Variants in MDH2 observed in about 807,000 individuals in gnomAD.
The protein encoded by MDH2 is malate dehydrogenase, mitochondrial.
Under a neutral mutation model 33.6 loss-of-function variants are expected in MDH2, and 25 were observed. That is an observed-to-expected ratio of 0.74 (90% CI 0.54 to 1.04). The LOEUF (loss-of-function observed/expected upper bound fraction) is 1.04. Ranked by LOEUF, MDH2 falls within the 50% of genes least tolerant of loss-of-function variation. The probability of loss-of-function intolerance (pLI) is 0.00; values close to 1 mark genes in which losing one functional copy is unlikely to be tolerated. For synonymous variants in MDH2, 193 were observed against 188.7 expected, an observed-to-expected ratio of 1.02 and a Z score of -0.19; for missense variants, 432 against 445.0, an observed-to-expected ratio of 0.97 and a Z score of 0.26.
intron 5 of MDH2, 74 bp downstream of exon 5, chr7:76,060,572 G>T: frequency 6.3e-7 from 1 of 1,580,734 alleles, no homozygotes; most frequent in Non-Finnish European, 8.6e-7. Context: ...TTACGGGCGT[G>T]GAAGACATGA....
Position 76,066,754 on chromosome 7 carries a change from T to C in MDH2, c.*344T>C, listed in dbSNP as rs1424727589. The C allele has an allele frequency of 5.7e-6, 1 of 176,274 alleles. No homozygotes were observed. Among genetic ancestry groups the C allele is most frequent in the African/African-American group, 2.4e-5 (1 of 42,070 alleles). The allele number at this position is 176,274 out of a possible 1,614,324, so 10.9% of individuals were successfully genotyped here. On this transcript the variant is annotated 3_prime_UTR_variant, in exon 9 of 9. Transcript: ENST00000315758. ...GCTTCAAGAAAGTCTAAATTGTTAA[T>C]TTATGGAATTGGACACAGTATTCAG...
At chr7:76,059,248 T>G (rs1490915350) in intron 4 of MDH2, among the ~76,000 whole-genome samples, 2 of 152,192 alleles carry the variant, frequency 1.3e-5, no homozygotes, top group African/African-American at 4.8e-5. Flanking sequence ...CCAGCCAGTT[T>G]AAAACCCATG....
intron 1 of MDH2, 180 bp downstream of exon 1, chr7:76,048,406 G>A: frequency 2.6e-6 from 3 of 1,149,896 alleles, no homozygotes; most frequent in South Asian, 1.7e-5. Context: ...GTGCGGGGGA[G>A]AAAGCCGGGG....
rs1554587605 is a variant in MDH2 at position 76,064,861 on chromosome 7, G to A, written c.793G>A (p.Ala265Thr). ...CCGCTTTGTCTTCTCCCTTGTGGAT[G>A]CAATGAATGGAAAGGAAGGTGTTGT... ...GARFVFSLVD[A>T]MNGKEGVVEC... The change falls in exon 8 of 9, where the codon GCA becomes ACA. Residue 265 changes from alanine to threonine, a missense_variant. Physicochemically the swap from Ala to Thr is moderately conservative, Grantham distance 58. Transcript: ENST00000315758. 6.2e-7 allele frequency: 1 copy of A among 1,614,204 alleles called. No individual in the cohort carries two copies. Among genetic ancestry groups the A allele is most frequent in the East Asian group, 2.2e-5 (1 of 44,862 alleles).
intron 4 of MDH2, among the ~76,000 whole-genome samples, chr7:76,059,235 C>T (rs1179407754): frequency 1.3e-5 from 2 of 152,216 alleles, no homozygotes; most frequent in African/African-American, 4.8e-5. Context: ...TGAGCCACTG[C>T]GCCCAGCCAG....
rs782365031 is a variant in MDH2, at chr7:76,058,024, C to A, written c.375C>A (p.Thr125=). Residue 125 remains threonine (T), a synonymous_variant, in exon 4 of 9, where the codon ACC becomes ACA. Coordinates refer to ENST00000315758, the MANE Select transcript of MDH2 (RefSeq NM_005918.4). The part of the protein sequence containing the change: ...NTNATIVATL[T]AACAQHCPEA... ...ATGCCACGATTGTGGCCACCCTGAC[C>A]GCTGCCTGTGCCCAGCACTGCCCGG... 4 of 1,613,996 alleles carry A rather than the reference C, an allele frequency of 2.5e-6. No individual in the cohort carries two copies. Among genetic ancestry groups the A allele is most frequent in the Admixed American group, 1.7e-5 (1 of 60,030 alleles).
chr7:76,049,935 G>A lies in MDH2; in HGVS notation c.66+1709G>A, dbSNP rs182881676. 1.7e-3 allele frequency among the ~76,000 whole-genome samples: 264 copies of A among 152,152 alleles called. 2 individuals carry two copies. Among genetic ancestry groups the A allele is most frequent in the African/African-American group, 5.9e-3 (246 of 41,490 alleles). On this transcript the variant is annotated intron_variant, in intron 1 of 8. Transcript: ENST00000315758. The stretch of plus-strand genomic sequence containing the variant: ...CAGCCTCCACCTCCCAGGTTGGAGC[G>A]ATTCTCCTGCCTCAGCCTCCCGAAT...
Position 76,064,858 on chromosome 7 carries a change from G to T in MDH2, c.790G>T (p.Asp264Tyr), listed in dbSNP as rs368561351. The T allele has an allele frequency of 1.2e-6, 2 of 1,614,096 alleles. No homozygotes were observed. The highest frequency in any genetic ancestry group is 3.3e-5 in the Admixed American group (2 of 60,010). The change falls in exon 8 of 9, where the codon GAT (aspartate) becomes TAT (tyrosine). Residue 264 changes from aspartate (D) to tyrosine (Y), a missense_variant. By Grantham distance (160) the Asp-to-Tyr change is radical (BLOSUM62 -3). Coordinates refer to ENST00000315758, the MANE Select transcript of MDH2 (RefSeq NM_005918.4). The part of the protein sequence containing the change: ...AGARFVFSLV[D>Y]AMNGKEGVVE... ...CGCCCGCTTTGTCTTCTCCCTTGTG[G>T]ATGCAATGAATGGAAAGGAAGGTGT...
At chr7:76,059,087 G>A (rs1797868565) in intron 4 of MDH2, among the ~76,000 whole-genome samples, 1 of 152,172 alleles carries the variant, frequency 6.6e-6, no homozygotes, top group African/African-American at 2.4e-5. Context: ...GGGATTACAG[G>A]TGCATGCCAC....
chr7:76,060,203 T>C (rs180698243), intron 4 of MDH2, among the ~76,000 whole-genome samples, 170 bp from the exon 5 acceptor site: 2 of 152,342 alleles, frequency 1.3e-5, no homozygotes, highest in East Asian at 3.9e-4. Context: ...GGCCTGTCCT[T>C]TCTGGCAGGT....
intron 6 of MDH2, among the ~76,000 whole-genome samples, chr7:76,064,086 G>A (rs1018883720): frequency 3.3e-5 from 5 of 149,658 alleles, no homozygotes; most frequent in East Asian, 1.9e-4. Context: ...ATTTCACTTC[G>A]TCTTTTTTTT....
At chr7:76,062,429 G>A (rs1321270297) in intron 5 of MDH2, among the ~76,000 whole-genome samples, 1 of 152,204 alleles carries the variant, frequency 6.6e-6, no homozygotes, top group Non-Finnish European at 1.5e-5. Context: ...ACCAAGCTAA[G>A]CCTCTCGGAT....
chr7:76,064,043 G>A (rs1421420986), intron 6 of MDH2, among the ~76,000 whole-genome samples: 4 of 151,906 alleles, frequency 2.6e-5, no homozygotes, highest in Non-Finnish European at 5.9e-5. Flanking sequence ...AAACAAATGA[G>A]TAGGGGACTC....
In MDH2 at chr7:76,063,502, C is replaced by T; in HGVS notation, c.556-13C>T. 6.2e-7 allele frequency: 1 copy of T among 1,614,000 alleles called. No individual in the cohort carries two copies. The highest frequency in any genetic ancestry group is 8.5e-7 in the Non-Finnish European group (1 of 1,179,812). Reference sequence around the variant, plus strand: ...GCTTGTTAACTCATCCAGCTTCATACTTTGGTCACCAGGGTTTGGATCCAG... The same window carrying T: ...GCTTGTTAACTCATCCAGCTTCATATTTTGGTCACCAGGGTTTGGATCCAG... On this transcript the variant is annotated splice_polypyrimidine_tract_variant and intron_variant, in intron 5 of 8. Transcript: ENST00000315758.
At position 76,066,290 on chromosome 7, in the gene MDH2, C is replaced by T. The variant is rs782678704; in HGVS notation, c.897C>T (p.Ile299=). 1.2e-5 allele frequency: 20 copies of T among 1,607,570 alleles called. No homozygotes were observed. In the East Asian group the frequency reaches 2.7e-4, roughly 22 times the overall value. Residue 299 remains isoleucine, a synonymous_variant, in exon 9 of 9, where the codon ATC becomes ATT. Coordinates refer to ENST00000315758, the MANE Select transcript of MDH2 (RefSeq NM_005918.4). The stretch of plus-strand genomic sequence containing the variant: ...CCCATCTCCCTCAGAAAAAGGGCAT[C>T]GAGAAGAACCTGGGCATCGGCAAAG... ...STPLLLGKKG[I]EKNLGIGKVS...
At chr7:76,054,786 T>C (rs1554585937) in intron 1 of MDH2, 44 bp from the exon 2 acceptor site, 1 of 1,611,964 alleles carries the variant, frequency 6.2e-7, no homozygotes, top group Admixed American at 1.7e-5. Flanking sequence ...ATCCTTTTCA[T>C]GCTCATTTCC....
At chr7:76,060,309 T>G in intron 4 of MDH2, 64 bp from the exon 5 acceptor site, 3 of 1,589,480 alleles carry the variant, frequency 1.9e-6, no homozygotes, top group Non-Finnish European at 2.6e-6. Flanking sequence ...GCCCTTTTCC[T>G]GCTGTGGCTT....
chr7:76,064,431 C>T lies in MDH2; in HGVS notation c.726C>T (p.Ala242=), dbSNP rs1016761801. ...EAGTEVVKAK[A]GAGSATLSMA... is the part of the protein sequence containing the mutation. Reference sequence around the variant, plus strand: ...GCACGGAGGTGGTCAAGGCTAAAGCCGGAGCAGGTAGAGTCTCAGGCAGCC... The same window carrying T: ...GCACGGAGGTGGTCAAGGCTAAAGCTGGAGCAGGTAGAGTCTCAGGCAGCC... Residue 242 remains alanine, a synonymous_variant, in exon 7 of 9, where the codon GCC becomes GCT. Transcript: ENST00000315758. The T allele has an allele frequency of 6.2e-6, 10 of 1,612,324 alleles. No individual in the cohort carries two copies. The highest frequency in any genetic ancestry group is 2.2e-5 in the East Asian group (1 of 44,794).
chr7:76,057,838 G>A, intron 3 of MDH2, 131 bp from the exon 4 acceptor site: 1 of 787,740 alleles, frequency 1.3e-6, no homozygotes, highest in Non-Finnish European at 2.1e-6. Flanking sequence ...CATTTACCCT[G>A]CAAGAGGGAC....
Sources: allele counts gnomAD v4.1 joint callset (sites outside exome capture counted in the v4.1 genomes callset), GRCh38; gene constraint gnomAD v4.1.1; transcripts MANE v1.5; gene names NCBI Gene and HGNC (gene_info 2026-07-23, HGNC 2026-07-21).